The following IQSEC3 variants were observed in gnomAD, a reference collection of about 807,000 sequenced individuals.
IQSEC3 encodes IQ motif and SEC7 domain-containing protein 3.
A neutral mutation model predicts 105.4 loss-of-function variants in IQSEC3; 50 were observed. The ratio of observed to expected loss-of-function variants is 0.47; its 90% CI spans 0.38 to 0.60. IQSEC3 has a LOEUF of 0.60. IQSEC3 is among the 20% of genes least tolerant of loss of function. The pLI is 0.00. For missense variants in IQSEC3, 1,415 were observed against 1,630.0 expected, an observed-to-expected ratio of 0.87 and a Z score of 2.27; for synonymous variants, 708 against 746.0, an observed-to-expected ratio of 0.95 and a Z score of 0.83.
rs201518666 is a variant in IQSEC3 at position 174,625 on chromosome 12, G to A, written c.3141G>A (p.Thr1047=). Residue 1047 remains threonine (T), a synonymous_variant, in exon 14 of 14, where the codon ACG becomes ACA. Transcript: ENST00000538872. ...VEVSIHNRLQ[T]SQHNSGLGAE... ...TGTCAATTCACAACAGGCTTCAAAC[G>A]TCCCAGCACAACTCCGGGCTGGGGG... 10 of 1,556,614 alleles carry A rather than the reference G, an allele frequency of 6.4e-6. No individual in the cohort carries two copies. Among genetic ancestry groups the A allele is most frequent in the African/African-American group, 2.7e-5 (2 of 72,930 alleles).
intron 2 of IQSEC3, among the ~76,000 whole-genome samples, chr12:112,670 C>T (rs1404829741): frequency 6.6e-6 from 1 of 152,174 alleles, no homozygotes; most frequent in Non-Finnish European, 1.5e-5. Context: ...GTCTAATCCC[C>T]AAGGCCCTCT....
chr12:87,201 C>T (rs750939352), intron 1 of IQSEC3, among the ~76,000 whole-genome samples: 1 of 152,028 alleles, frequency 6.6e-6, no homozygotes, highest in Non-Finnish European at 1.5e-5. Flanking sequence ...GATGGAGGTT[C>T]ATTATCAGGA....
At chr12:89,852 A>G (rs1310452634) in intron 1 of IQSEC3, among the ~76,000 whole-genome samples, 1 of 152,088 alleles carries the variant, frequency 6.6e-6, no homozygotes, top group Non-Finnish European at 1.5e-5. Flanking sequence ...GTTAGTGGAC[A>G]TTTACATTGT....
At position 125,932 on chromosome 12, in the gene IQSEC3, G is replaced by T. The variant is rs897180430; in HGVS notation, c.903+20G>T. ...AAACAGGTACCCAGGGCCTCCTAGG[G>T]GGGCGGGGAGGGTGGTGAAGGGGCC... On this transcript the variant is annotated intron_variant, in intron 3 of 13. Transcript: ENST00000538872. 9 of 1,526,810 alleles carry T rather than the reference G, an allele frequency of 5.9e-6. No homozygotes were observed. Among genetic ancestry groups the T allele is most frequent in the African/African-American group, 1.4e-5 (1 of 71,406 alleles). 94.6% of individuals were successfully genotyped at this position (1,526,810 alleles called of 1,614,324 possible).
chr12:119,678 A>G (rs1865157151), intron 2 of IQSEC3, among the ~76,000 whole-genome samples: 1 of 152,214 alleles, frequency 6.6e-6, no homozygotes, highest in South Asian at 2.1e-4. Context: ...AGTCTACCGC[A>G]AAAGCCCAGC....
intron 2 of IQSEC3, among the ~76,000 whole-genome samples, chr12:99,686 A>G (rs1346813353): frequency 6.6e-5 from 10 of 152,196 alleles, no homozygotes; most frequent in Admixed American, 4.6e-4. Context: ...AGGCTCTCTC[A>G]GCCCTGGCTG....
chr12:96,732 T>C (rs529111087), intron 1 of IQSEC3, among the ~76,000 whole-genome samples: 1 of 152,344 alleles, frequency 6.6e-6, no homozygotes, highest in Admixed American at 6.5e-5. Context: ...GCTGGTCAGC[T>C]GTGCCTGAAT....
At chr12:150,216 G>A (rs1232821384) in intron 5 of IQSEC3, among the ~76,000 whole-genome samples, 2 of 152,200 alleles carry the variant, frequency 1.3e-5, no homozygotes, top group Non-Finnish European at 2.9e-5. Context: ...CCGAGCTGAT[G>A]AGAATTCAGA....
chr12:72,568 G>T (rs1457389634), intron 1 of IQSEC3, among the ~76,000 whole-genome samples: 1 of 130,716 alleles, frequency 7.7e-6, no homozygotes, highest in African/African-American at 2.6e-5. Context: ...GCACCCAGCA[G>T]ACTCTCAGAG....
intron 8 of IQSEC3, among the ~76,000 whole-genome samples, chr12:162,882 A>T (rs1866960140): frequency 6.6e-6 from 1 of 152,110 alleles, no homozygotes; most frequent in Non-Finnish European, 1.5e-5. Flanking sequence ...GGGGCAGGGG[A>T]TGCCCTCAAG....
At chr12:158,630 A>G (rs1055077598) in intron 7 of IQSEC3, among the ~76,000 whole-genome samples, 3 of 152,222 alleles carry the variant, frequency 2.0e-5, no homozygotes, top group Non-Finnish European at 4.4e-5. Context: ...AAATAGAGCT[A>G]TACAGTATTT....
chr12:81,756 G>A (rs2136884679), intron 1 of IQSEC3, among the ~76,000 whole-genome samples: 1 of 152,296 alleles, frequency 6.6e-6, no homozygotes, highest in East Asian at 1.9e-4. Context: ...ACGCCACCAA[G>A]GAGTGAGAAC....
chr12:138,059 G>A lies in IQSEC3; in HGVS notation c.904-208G>A, dbSNP rs1338928069. On this transcript the variant is annotated intron_variant, in intron 3 of 13. Transcript: ENST00000538872. This position sits in a 1 kb window ranked among gnomAD's most constrained non-coding sequence, Gnocchi z 7.1. The stretch of plus-strand genomic sequence containing the variant: ...TTGAGACATCACTAGTCCCCAGAAC[G>A]GACCCCTCCGTCCTACACCTCTAGG... 2.0e-5 allele frequency among the ~76,000 whole-genome samples: 3 copies of A among 151,846 alleles called. No homozygotes were observed. Among genetic ancestry groups the A allele is most frequent in the Non-Finnish European group, 4.4e-5 (3 of 67,942 alleles).
At chr12:125,380 G>T (rs1555082896) in intron 2 of IQSEC3, among the ~76,000 whole-genome samples, 1 of 152,040 alleles carries the variant, frequency 6.6e-6, no homozygotes, top group Non-Finnish European at 1.5e-5. Flanking sequence ...CTAAGCAGAG[G>T]CTCCTGAGCC....
chr12:115,371 G>A (rs940087473), intron 2 of IQSEC3, among the ~76,000 whole-genome samples: 1 of 152,128 alleles, frequency 6.6e-6, no homozygotes, highest in Non-Finnish European at 1.5e-5. Context: ...GGAATGAAGG[G>A]GCTTTAGAGC....
intron 11 of IQSEC3, 41 bp downstream of exon 11, chr12:165,931 A>G: frequency 1.2e-6 from 2 of 1,602,072 alleles, no homozygotes; most frequent in South Asian, 1.1e-5. Context: ...GGGGGTTCCC[A>G]TTCAGCAAGG....
chr12:112,915 TTTA>T (rs1864939810), intron 2 of IQSEC3, among the ~76,000 whole-genome samples: 1 of 151,944 alleles, frequency 6.6e-6, no homozygotes, highest in Non-Finnish European at 1.5e-5. Flanking sequence ...ATCATAATAT[TTTA>T]TTATTAATAT....
intron 3 of IQSEC3, 135 bp downstream of exon 3, chr12:126,047 T>C (rs529463763): frequency 9.4e-4 from 891 of 946,830 alleles, no homozygotes; most frequent in Admixed American, 2.0e-3. Flanking sequence ...TTCTCCTGCA[T>C]TGAGCGACCT....
chr12:99,618 T>C (rs904665), intron 2 of IQSEC3, among the ~76,000 whole-genome samples: 87,439 of 152,114 alleles, frequency 0.57, 25,448 homozygotes, highest in East Asian at 0.84. Flanking sequence ...CAAGGATTTA[T>C]ACTTTTCTTT....
Sources: allele counts gnomAD v4.1 joint callset (sites outside exome capture counted in the v4.1 genomes callset), GRCh38; gene constraint gnomAD v4.1.1; non-coding constraint Gnocchi (gnomAD v3.1); transcripts MANE v1.5; gene names NCBI Gene and HGNC (gene_info 2026-07-23, HGNC 2026-07-21).